Variants in SI observed in about 807,000 individuals in gnomAD.
The protein encoded by SI is sucrase-isomaltase, intestinal.
In SI, 235 loss-of-function variants were observed where a neutral mutation model predicts 253.3. The ratio of observed to expected loss-of-function variants is 0.93; its 90% confidence interval spans 0.83 to 1.03. The LOEUF (loss-of-function observed/expected upper bound fraction) is 1.03. Among genes scored for constraint, SI ranks in the 50% least tolerant of loss-of-function variants. The pLI is 0.00. For synonymous variants in SI, 819 were observed against 712.0 expected, an observed-to-expected ratio of 1.15 and a Z score of -2.39; for missense variants, 2,442 against 2,211.1, an observed-to-expected ratio of 1.10 and a Z score of -2.09.
At chr3:165,017,029 G>T (rs1198201076) in intron 31 of SI, among the ~76,000 whole-genome samples, 1 of 151,696 alleles carries the variant, frequency 6.6e-6, no homozygotes, top group African/African-American at 2.4e-5. Flanking sequence ...CCTTAATTTT[G>T]ATAAAAAATG....
At chr3:165,076,499 G>GT (rs762294002) in intron 1 of SI, among the ~76,000 whole-genome samples, 1 of 151,572 alleles carries the variant, frequency 6.6e-6, no homozygotes, top group South Asian at 2.1e-4. Flanking sequence ...AAAAACTTCA[G>GT]TTTTTTTCTT....
chr3:165,053,790 A>G (rs1713552193), intron 13 of SI, among the ~76,000 whole-genome samples: 1 of 152,144 alleles, frequency 6.6e-6, no homozygotes, highest in African/African-American at 2.4e-5. Flanking sequence ...TACCGTAATC[A>G]AAGTGGCTCC....
At chr3:165,031,498 G>T (rs907540869) in intron 24 of SI, among the ~76,000 whole-genome samples, 3 of 149,314 alleles carry the variant, frequency 2.0e-5, no homozygotes, top group Non-Finnish European at 3.0e-5. Context: ...TTCACAATAA[G>T]CTTGTATTAC....
intron 38 of SI, among the ~76,000 whole-genome samples, chr3:164,997,985 T>C (rs186034282): frequency 5.9e-4 from 90 of 151,928 alleles, no homozygotes; most frequent in Non-Finnish European, 9.0e-4. Context: ...AGTGTTGTAA[T>C]GAACCTTCTT....
At chr3:165,067,739 TTTA>T (rs1296666894) in intron 5 of SI, among the ~76,000 whole-genome samples, 2 of 151,988 alleles carry the variant, frequency 1.3e-5, no homozygotes, top group African/African-American at 4.8e-5. Flanking sequence ...AGTACAGATT[TTTA>T]TTGACTGATA....
intron 44 of SI, among the ~76,000 whole-genome samples, chr3:164,989,373 GAAGAAAGAAAGAAAGGAAGAAAGA>G (rs1463089948): frequency 0.016 from 1,978 of 120,584 alleles, 26 homozygotes; most frequent in Non-Finnish European, 0.024. Context: ...AGAAAGAAAG[GAAGAAAGAAAGAAAGGAAGAAAGA>G]AAGAAAGAAA....
chr3:165,055,356 A>G, intron 12 of SI, 49 bp from the exon 13 acceptor site: 1 of 993,514 alleles, frequency 1.0e-6, no homozygotes, highest in Non-Finnish European at 1.6e-6. Flanking sequence ...AGAAAAATAA[A>G]TAAATGGAAT....
chr3:165,017,135 T>C (rs1253539757), intron 31 of SI, among the ~76,000 whole-genome samples: 2 of 151,844 alleles, frequency 1.3e-5, no homozygotes, highest in African/African-American at 4.8e-5. Context: ...CTATTATCTA[T>C]TCCAGGGCAA....
At chr3:165,083,691 T>C in the SI span, among the ~76,000 whole-genome samples, 1 of 152,068 alleles carries the variant, frequency 6.6e-6, no homozygotes, top group Admixed American at 6.6e-5. Context: ...ACCTCTACTA[T>C]GGATCTAGAA....
chr3:164,984,897 C>T (rs1717364373), intron 45 of SI, among the ~76,000 whole-genome samples: 1 of 151,982 alleles, frequency 6.6e-6, no homozygotes, highest in Admixed American at 6.6e-5. Flanking sequence ...TCTAACAAAT[C>T]CAGAGAATAA....
At chr3:165,046,765 T>C (rs1413356800) in intron 16 of SI, 76 bp downstream of exon 16, 2 of 1,226,454 alleles carry the variant, frequency 1.6e-6, no homozygotes, top group African/African-American at 3.1e-5. Flanking sequence ...ATCATTTTAC[T>C]AAAATTAATT....
chr3:165,047,073 A>C, intron 15 of SI, 61 bp from the exon 16 acceptor site: 1 of 1,328,894 alleles, frequency 7.5e-7, no homozygotes, highest in South Asian at 1.3e-5. Context: ...TGGTATTTAA[A>C]TTCTAAAATT....
chr3:164,997,070 T>C (rs1250630222), intron 38 of SI, among the ~76,000 whole-genome samples: 1 of 151,714 alleles, frequency 6.6e-6, no homozygotes, highest in East Asian at 1.9e-4. Context: ...AAGAAAGTGG[T>C]GTCCACAGTT....
intron 31 of SI, among the ~76,000 whole-genome samples, chr3:165,017,145 A>G (rs1719075604): frequency 4.0e-5 from 6 of 150,910 alleles, no homozygotes. Context: ...TTCCAGGGCA[A>G]AAAAAAAATT....
At chr3:164,987,078 T>C (rs1029333685) in intron 45 of SI, 60 bp downstream of exon 45, 34 of 1,275,228 alleles carry the variant, frequency 2.7e-5, no homozygotes, top group Non-Finnish European at 3.9e-5. Flanking sequence ...ATAGATAACG[T>C]AAAAGTAATG....
At chr3:165,065,993 A>C (rs1162397925) in intron 6 of SI, among the ~76,000 whole-genome samples, 1 of 151,940 alleles carries the variant, frequency 6.6e-6, no homozygotes, top group Non-Finnish European at 1.5e-5. Context: ...TTGCATATAC[A>C]GTCAGCCCTC....
At chr3:165,082,178 T>G (rs1028918804), upstream of SI, among the ~76,000 whole-genome samples, 1 of 151,964 alleles carries the variant, frequency 6.6e-6, no homozygotes, top group African/African-American at 2.4e-5. Flanking sequence ...TAGCTCTATC[T>G]CAATTGATAT....
intron 21 of SI, 127 bp from the exon 22 acceptor site, chr3:165,036,604 A>C: frequency 1.6e-6 from 1 of 610,564 alleles, no homozygotes; most frequent in Non-Finnish European, 2.9e-6. Context: ...ATTGACATCA[A>C]TAAATTTGTA....
intron 13 of SI, among the ~76,000 whole-genome samples, chr3:165,051,602 G>A (rs1247366022): frequency 6.6e-6 from 1 of 152,018 alleles, no homozygotes; most frequent in African/African-American, 2.4e-5. Context: ...CTGCTGAAAT[G>A]TATAATTTGG....
Sources: allele counts gnomAD v4.1 joint callset (sites outside exome capture counted in the v4.1 genomes callset), GRCh38; gene constraint gnomAD v4.1.1; transcripts MANE v1.5; gene names NCBI Gene and HGNC (gene_info 2026-07-23, HGNC 2026-07-21).